The following SPAG9 variants were observed in gnomAD, a reference collection of about 807,000 sequenced individuals.
SPAG9 encodes sperm associated antigen 9, also known as C-Jun-amino-terminal kinase-interacting protein 4.
Under a neutral mutation model 166.5 loss-of-function variants are expected in SPAG9, and 35 were observed. That is an observed-to-expected ratio of 0.21 (90% CI 0.16 to 0.28). The LOEUF (loss-of-function observed/expected upper bound fraction) is 0.28. Ranked by LOEUF, SPAG9 falls within the 10% of genes least tolerant of loss-of-function variation. The pLI, the probability that SPAG9 is intolerant of heterozygous loss-of-function variation, is 1.00. For synonymous variants in SPAG9, 534 were observed against 565.5 expected, an observed-to-expected ratio of 0.94 and a Z score of 0.79; for missense variants, 1,235 against 1,603.3, an observed-to-expected ratio of 0.77 and a Z score of 3.92.
intron 5 of SPAG9, chr17:51,031,949 T>C (rs1347905863): frequency 1.5e-6 from 1 of 653,672 alleles, no homozygotes; most frequent in Non-Finnish European, 2.8e-6. Flanking sequence ...ATCAGTGTCT[T>C]ATACTTATCA....
intron 5 of SPAG9, 169 bp from the exon 6 acceptor site, chr17:51,031,891 T>C: frequency 1.4e-6 from 1 of 693,288 alleles, no homozygotes; most frequent in Non-Finnish European, 2.6e-6. Flanking sequence ...TAAGCTGACC[T>C]TAACACTCTA....
At chr17:50,989,399 C>T (rs9912842) in intron 21 of SPAG9, 10,658 of 472,934 alleles carry the variant, frequency 0.023, 657 homozygotes, top group African/African-American at 0.16. Context: ...CCTAATGACA[C>T]ATTTCTCAGA....
intron 1 of SPAG9, among the ~76,000 whole-genome samples, chr17:51,102,193 A>G (rs1327856577): frequency 6.6e-6 from 1 of 151,772 alleles, no homozygotes; most frequent in African/African-American, 2.4e-5. Flanking sequence ...TACCAGGCTG[A>G]GCAACATGGT....
chr17:51,086,040 C>G (rs926444741), intron 1 of SPAG9, among the ~76,000 whole-genome samples: 1 of 142,606 alleles, frequency 7.0e-6, no homozygotes, highest in Non-Finnish European at 1.5e-5. Context: ...GCAATCTCAG[C>G]TCACTGCAAC....
intron 6 of SPAG9, chr17:51,030,875 C>T (rs1221719576): frequency 6.6e-6 from 1 of 151,614 alleles, no homozygotes; most frequent in Admixed American, 6.6e-5. Context: ...ATCCTGTTAT[C>T]CCCAGTGCCC....
At chr17:51,022,148 G>C (rs1227012902) in intron 6 of SPAG9, among the ~76,000 whole-genome samples, 1 of 151,332 alleles carries the variant, frequency 6.6e-6, no homozygotes, top group Non-Finnish European at 1.5e-5. Context: ...AAAAAGCGGG[G>C]AGAGGGGGCA....
chr17:51,111,458 T>C (rs939001532), intron 1 of SPAG9, among the ~76,000 whole-genome samples: 2 of 152,202 alleles, frequency 1.3e-5, no homozygotes, highest in Admixed American at 1.3e-4. Flanking sequence ...GAAGCAGGAA[T>C]CCTGTACTCT....
In SPAG9 at chr17:51,084,486, TCAAGCAATACTCCTGCCTC is replaced by T. The variant is rs976903193; in HGVS notation, c.304-4801_304-4783del. Among the ~76,000 whole-genome samples, 25 of 152,152 alleles carry T rather than the reference TCAAGCAATACTCCTGCCTC, an allele frequency of 1.6e-4. 1 individual carries two copies. Among genetic ancestry groups the T allele is most frequent in the South Asian group, 6.2e-4 (3 of 4,820 alleles). On this transcript the variant is annotated intron_variant, in intron 1 of 29. Coordinates refer to ENST00000262013, the MANE Select transcript of SPAG9 (RefSeq NM_001130528.3). Reference sequence around the variant, plus strand: ...TAACTGCAACCTCCATCTCCTGGCTTCAAGCAATACTCCTGCCTCCAAGCAATACTCCTGCCTCAGCCTC... The same window carrying T: ...TAACTGCAACCTCCATCTCCTGGCTTCAAGCAATACTCCTGCCTCAGCCTC...
At chr17:51,081,699 G>A (rs994698563) in intron 1 of SPAG9, among the ~76,000 whole-genome samples, 1 of 151,536 alleles carries the variant, frequency 6.6e-6, no homozygotes, top group East Asian at 1.9e-4. Flanking sequence ...CTGAGATCAC[G>A]CCATTGCACT....
At chr17:51,014,919 T>C (rs1292927742) in intron 8 of SPAG9, among the ~76,000 whole-genome samples, 1 of 151,682 alleles carries the variant, frequency 6.6e-6, no homozygotes, top group Non-Finnish European at 1.5e-5. Context: ...CAGGGGTGTA[T>C]AGGGGAATGG....
intron 1 of SPAG9, among the ~76,000 whole-genome samples, chr17:51,104,086 T>C (rs559680447): frequency 6.6e-6 from 1 of 152,190 alleles, no homozygotes; most frequent in South Asian, 2.1e-4. Context: ...GTAACCTGAT[T>C]TCTGGCCAGG....
chr17:51,087,612 C>G (rs1040815438), intron 1 of SPAG9, among the ~76,000 whole-genome samples: 2 of 152,194 alleles, frequency 1.3e-5, no homozygotes. Flanking sequence ...CTTTCTGCTT[C>G]CCTTCTACAT....
intron 3 of SPAG9, among the ~76,000 whole-genome samples, chr17:51,055,677 G>A (rs1218017491): frequency 6.6e-6 from 1 of 151,742 alleles, no homozygotes; most frequent in African/African-American, 2.4e-5. Flanking sequence ...AAAGAGAGAG[G>A]AATTATTTTT....
intron 6 of SPAG9, among the ~76,000 whole-genome samples, chr17:51,026,972 G>A (rs1057117286): frequency 4.6e-5 from 7 of 152,004 alleles, no homozygotes; most frequent in Admixed American, 2.0e-4. Flanking sequence ...CACTGCGCCC[G>A]GCCGGGAAAC....
intron 12 of SPAG9, among the ~76,000 whole-genome samples, chr17:51,004,271 G>A (rs2045097287): frequency 6.6e-6 from 1 of 152,092 alleles, no homozygotes; most frequent in South Asian, 2.1e-4. Context: ...TTGGGTGGTA[G>A]GTTCACAATG....
intron 1 of SPAG9, among the ~76,000 whole-genome samples, chr17:51,103,867 T>C (rs2048870819): frequency 6.6e-6 from 1 of 152,100 alleles, no homozygotes; most frequent in African/African-American, 2.4e-5. Flanking sequence ...TTCAGAAAAA[T>C]TTCCCTGGCA....
chr17:50,966,904 C>T (rs747636775), intron 29 of SPAG9, among the ~76,000 whole-genome samples: 2 of 152,224 alleles, frequency 1.3e-5, no homozygotes, highest in African/African-American at 2.4e-5. Context: ...AATTAGCCTG[C>T]AGCACTGCAG....
At chr17:50,973,341 A>T (rs767258100) in intron 28 of SPAG9, among the ~76,000 whole-genome samples, 1 of 152,208 alleles carries the variant, frequency 6.6e-6, no homozygotes, top group Non-Finnish European at 1.5e-5. Flanking sequence ...GAGGGATACA[A>T]AGGAGATTTA....
In SPAG9 at chr17:51,096,006, G is replaced by GATATATATATATAGTGAT. The variant is rs1568084051; in HGVS notation, c.304-16320_304-16303dup. ...ATATATATAGTGATATATATATAGT[G>GATATATATATATAGTGAT]ATATATATATATAGTGATATATATA... On this transcript the variant is annotated intron_variant, in intron 1 of 29. Transcript: ENST00000262013. Among the ~76,000 whole-genome samples the GATATATATATATAGTGAT allele has an allele frequency of 3.4e-5, 3 of 88,576 alleles. No homozygotes were observed. The Admixed American group carries it at 3.7e-4, about 11-fold the overall frequency. The allele number at this position is 88,576 out of a possible 152,430, so 58.1% of individuals were successfully genotyped here.
Sources: gnomAD v4.1 joint callset for allele counts (sites outside exome capture counted in the v4.1 genomes callset) on GRCh38, gnomAD v4.1.1 for gene constraint, MANE v1.5 for transcripts, NCBI Gene and HGNC (gene_info 2026-07-23, HGNC 2026-07-21) for gene names.